Variants in PPP2CA observed in about 807,000 individuals in gnomAD.
The protein encoded by PPP2CA is serine/threonine-protein phosphatase 2A catalytic subunit alpha isoform.
A neutral mutation model predicts 38.8 loss-of-function variants in PPP2CA; 5 were observed. That is an observed-to-expected ratio of 0.13 (90% CI 0.07 to 0.27). The LOEUF (loss-of-function observed/expected upper bound fraction) is 0.27. Among genes scored for constraint, PPP2CA ranks in the 10% least tolerant of loss-of-function variants. The pLI, the probability that PPP2CA is intolerant of heterozygous loss-of-function variation, is 1.00. For synonymous variants in PPP2CA, 152 were observed against 134.0 expected, an observed-to-expected ratio of 1.13 and a Z score of -0.93; for missense variants, 88 against 389.7, an observed-to-expected ratio of 0.23 and a Z score of 6.52.
chr5:134,208,467 T>C (rs961834944), intron 1 of PPP2CA, among the ~76,000 whole-genome samples: 3 of 152,200 alleles, frequency 2.0e-5, no homozygotes, highest in Non-Finnish European at 4.4e-5. Flanking sequence ...ACAGATAAAA[T>C]GAAATGTTCC....
chr5:134,220,456 C>CAAAAAAAAAAAAAA (rs10649430), intron 1 of PPP2CA, among the ~76,000 whole-genome samples: 4 of 54,038 alleles, frequency 7.4e-5, no homozygotes, highest in African/African-American at 2.0e-4. Flanking sequence ...GACTCTATCT[C>CAAAAAAAAAAAAAA]AAAAAAAAAA....
intron 1 of PPP2CA, among the ~76,000 whole-genome samples, chr5:134,222,856 G>A (rs1340507427): frequency 6.6e-6 from 1 of 152,294 alleles, no homozygotes; most frequent in African/African-American, 2.4e-5. Flanking sequence ...CTTGGCTTTT[G>A]TATAAGTCTT....
In PPP2CA at chr5:134,197,631, A is replaced by T; in HGVS notation, c.*141T>A. On this transcript the variant is annotated 3_prime_UTR_variant, in exon 7 of 7. Coordinates refer to ENST00000481195, the MANE Select transcript of PPP2CA (RefSeq NM_002715.4). ...ATGACAAGAGGCTTTGTATTTTTAT[A>T]TGGCACATCTTTTGGTCCATGTGAA... 1 of 659,050 alleles carries T rather than the reference A, an allele frequency of 1.5e-6. No homozygotes were observed. Among genetic ancestry groups the T allele is most frequent in the Non-Finnish European group, 2.7e-6 (1 of 373,108 alleles). The allele number at this position is 659,050 out of a possible 1,614,324, so 40.8% of individuals were successfully genotyped here.
chr5:134,201,016 G>A lies in PPP2CA; in HGVS notation c.545C>T (p.Ala182Val). 6.2e-7 allele frequency: 1 copy of A among 1,612,422 alleles called. No homozygotes were observed. The highest frequency in any genetic ancestry group is 8.5e-7 in the Non-Finnish European group (1 of 1,178,418). The change falls in exon 4 of 7, where the codon GCA becomes GTA. Residue 182 changes from alanine (A) to valine (V), a missense_variant. Ala to Val is a moderately conservative substitution (Grantham distance 64). Around this residue, in one of 4 missense-constraint regions of PPP2CA, gnomAD observed 36 missense variants for 259.8 expected, o/e 0.14. Transcript: ENST00000481195. ...GGGAACTTCTTGTAGGCGATCAAGT[G>A]CTCTGATATGATCCAGTGTATCTAT... ...PSIDTLDHIRALDRLQEVPHE... is the reference protein window; with the variant it reads ...PSIDTLDHIRVLDRLQEVPHE...
intron 1 of PPP2CA, among the ~76,000 whole-genome samples, chr5:134,217,032 A>G (rs953377266): frequency 1.2e-4 from 19 of 152,264 alleles, no homozygotes; most frequent in Non-Finnish European, 2.2e-4. Flanking sequence ...CTGTAATCCC[A>G]GCACTTTGGG....
chr5:134,200,003 C>T (rs953952518), intron 5 of PPP2CA, among the ~76,000 whole-genome samples: 38 of 152,318 alleles, frequency 2.5e-4, no homozygotes, highest in African/African-American at 8.9e-4. Context: ...CTCCTACATA[C>T]ATACATTAAA....
Position 134,201,950 on chromosome 5 carries a change from A to T in PPP2CA, c.384T>A (p.Gly128=), listed in dbSNP as rs758867905. The part of the protein sequence containing the change: ...HESRQITQVY[G]FYDECLRKYG... ...ATTTTCTTAAACATTCATCATAGAA[A>T]CCATAAACTTGTGTGATCTGTCTGC... Residue 128 remains glycine, a synonymous_variant, in exon 3 of 7, where the codon GGT becomes GGA. Transcript: ENST00000481195. 3.1e-6 allele frequency: 5 copies of T among 1,613,960 alleles called. No homozygotes were observed. The African/African-American group carries it at 5.3e-5, about 17-fold the overall frequency.
At position 134,199,182 on chromosome 5, in the gene PPP2CA, C is replaced by T. The variant is rs368545605; in HGVS notation, c.761G>A (p.Arg254Gln). ...VMEGYNWCHD[R>Q]NVVTIFSAPN... The stretch of plus-strand genomic sequence containing the variant: ...AGCACTGAAAATCGTTACTACATTC[C>T]GGTCATGGCACCAGTTATATCCCTG... The change falls in exon 6 of 7, where the codon CGG becomes CAG. Residue 254 changes from arginine (R) to glutamine (Q), a missense_variant. Arg to Gln is a conservative substitution (Grantham distance 43). Transcript: ENST00000481195. 7.4e-6 allele frequency: 12 copies of T among 1,613,574 alleles called. No individual in the cohort carries two copies. The highest frequency in any genetic ancestry group is 6.8e-6 in the Non-Finnish European group (8 of 1,179,604).
chr5:134,201,726 A>G, intron 3 of PPP2CA, 122 bp downstream of exon 3: 1 of 1,085,776 alleles, frequency 9.2e-7, no homozygotes, highest in Middle Eastern at 2.1e-4. Flanking sequence ...AATGAATGCT[A>G]TCAATATCTA....
chr5:134,218,905 G>A (rs1274153253), intron 1 of PPP2CA, among the ~76,000 whole-genome samples: 5 of 152,058 alleles, frequency 3.3e-5, no homozygotes, highest in African/African-American at 9.7e-5. Context: ...TCCTGACCTC[G>A]TGATCCACCC....
chr5:134,218,348 G>A (rs1279651052), intron 1 of PPP2CA, among the ~76,000 whole-genome samples: 1 of 152,142 alleles, frequency 6.6e-6, no homozygotes, highest in Non-Finnish European at 1.5e-5. Flanking sequence ...TAAAATTTGT[G>A]AGTTTTCCCA....
At position 134,194,932 on chromosome 5, in the gene PPP2CA, G is replaced by A. The variant is rs1038923170; in HGVS notation, c.*2840C>T. 8 of 152,068 alleles carry A rather than the reference G, an allele frequency of 5.3e-5. No individual in the cohort carries two copies. Among genetic ancestry groups the A allele is most frequent in the African/African-American group, 1.9e-4 (8 of 41,406 alleles). 9.4% of individuals were successfully genotyped at this position (152,068 alleles called of 1,614,324 possible). ...TGTTTTTAACCCTAGATGTAAATTA[G>A]AATCACTTGGGAAACTTAAAAAATG... On this transcript the variant is annotated 3_prime_UTR_variant, in exon 7 of 7. Coordinates refer to ENST00000481195, the MANE Select transcript of PPP2CA (RefSeq NM_002715.4).
intron 2 of PPP2CA, 39 bp downstream of exon 2, chr5:134,205,883 T>C (rs1271562398): frequency 6.4e-7 from 1 of 1,554,138 alleles, no homozygotes. Context: ...AGGACTGTCT[T>C]ACCCATTTCA....
At chr5:134,214,294 ATT>A (rs1762273126) in intron 1 of PPP2CA, among the ~76,000 whole-genome samples, 1 of 152,114 alleles carries the variant, frequency 6.6e-6, no homozygotes, top group African/African-American at 2.4e-5. Context: ...CTGGCATCTC[ATT>A]TTGTGTCCTA....
chr5:134,215,190 T>C (rs528960666), intron 1 of PPP2CA, among the ~76,000 whole-genome samples: 105 of 151,974 alleles, frequency 6.9e-4, no homozygotes, highest in Non-Finnish European at 8.8e-5. Context: ...CTAGATCTCC[T>C]GGACCCAAGC....
At position 134,221,001 on chromosome 5, in the gene PPP2CA, T is replaced by G. The variant is rs369248786; in HGVS notation, c.102+4759A>C. On this transcript the variant is annotated intron_variant, in intron 1 of 6. Coordinates refer to ENST00000481195, the MANE Select transcript of PPP2CA (RefSeq NM_002715.4). ...GGGAATGTTCACCTTTTCTGTTTCC[T>G]CATGAAGTCAACTCCAAACTAACTG... is the stretch of plus-strand genomic sequence containing the variant. Among the ~76,000 whole-genome samples, 6 of 152,306 alleles carry G rather than the reference T, an allele frequency of 3.9e-5. No homozygotes were observed. The East Asian group carries it at 1.2e-3, about 29-fold the overall frequency.
rs1240249418 is a variant in PPP2CA at position 134,195,300 on chromosome 5, G to A, written c.*2472C>T. 6.6e-6 allele frequency: 1 copy of A among 152,136 alleles called. No individual in the cohort carries two copies. The highest frequency in any genetic ancestry group is 1.9e-4 in the East Asian group (1 of 5,190). The allele number at this position is 152,136 out of a possible 1,614,324, so 9.4% of individuals were successfully genotyped here. On this transcript the variant is annotated 3_prime_UTR_variant, in exon 7 of 7. Transcript: ENST00000481195. ...GGGTCTGGCTCTGTCACCCAGACTG[G>A]AGTACAGTGGCACAATCTCAGCCCA...
chr5:134,212,862 C>A (rs1431475215), intron 1 of PPP2CA, among the ~76,000 whole-genome samples: 1 of 152,152 alleles, frequency 6.6e-6, no homozygotes, highest in Non-Finnish European at 1.5e-5. Context: ...AAAGCCAAAG[C>A]CTAATTCAGA....
intron 2 of PPP2CA, among the ~76,000 whole-genome samples, chr5:134,203,242 A>G (rs1762005962): frequency 6.6e-6 from 1 of 152,186 alleles, no homozygotes; most frequent in Non-Finnish European, 1.5e-5. Context: ...CTAACCTGAC[A>G]AAGATTTTCT....
Sources: allele counts gnomAD v4.1 joint callset (sites outside exome capture counted in the v4.1 genomes callset), GRCh38; gene constraint gnomAD v4.1.1; regional missense constraint gnomAD v4.1.1; transcripts MANE v1.5; gene names NCBI Gene and HGNC (gene_info 2026-07-23, HGNC 2026-07-21).